Variants in CWC27 observed in about 807,000 individuals in gnomAD.
CWC27 encodes the protein CWC27 spliceosome associated cyclophilin.
CWC27 carries 47 observed loss-of-function variants against 63.6 expected under a neutral mutation model. That is an observed-to-expected ratio of 0.74 (90% CI 0.58 to 0.94). CWC27 has a LOEUF of 0.94. Among genes scored for constraint, CWC27 ranks in the 40% least tolerant of loss-of-function variants. The pLI is 0.00. For missense variants in CWC27, 495 were observed against 554.3 expected (o/e 0.89, Z 1.07); for synonymous variants, 175 against 179.8 (o/e 0.97, Z 0.22).
chr5:64,834,455 G>C (rs572808643), intron 10 of CWC27, among the ~76,000 whole-genome samples: 1 of 151,608 alleles, frequency 6.6e-6, no homozygotes, highest in Admixed American at 6.6e-5. Context: ...CTCATATTTT[G>C]TTTTAACCTC....
At chr5:64,882,866 G>C (rs1308111240) in intron 10 of CWC27, among the ~76,000 whole-genome samples, 1 of 152,190 alleles carries the variant, frequency 6.6e-6, no homozygotes, top group Non-Finnish European at 1.5e-5. Flanking sequence ...AAAGTGCTGG[G>C]ATTACAGGCG....
intron 13 of CWC27, among the ~76,000 whole-genome samples, chr5:64,992,595 T>C (rs62370968): frequency 6.6e-6 from 1 of 151,832 alleles, no homozygotes; most frequent in Admixed American, 6.6e-5. Flanking sequence ...GCAGTGGCGC[T>C]ATCTCGGTTC....
intron 10 of CWC27, among the ~76,000 whole-genome samples, chr5:64,818,399 C>G (rs1745104419): frequency 6.6e-6 from 1 of 152,082 alleles, no homozygotes; most frequent in Non-Finnish European, 1.5e-5. Flanking sequence ...TAAGCGTTTA[C>G]TTTAGTTTTA....
chr5:64,863,288 T>C (rs1746454779), intron 10 of CWC27, among the ~76,000 whole-genome samples: 1 of 152,162 alleles, frequency 6.6e-6, no homozygotes, highest in South Asian at 2.1e-4. Flanking sequence ...GGTGATACTG[T>C]GATGGGCGAC....
chr5:64,951,809 T>G (rs189764151), intron 11 of CWC27, among the ~76,000 whole-genome samples: 3 of 152,134 alleles, frequency 2.0e-5, no homozygotes, highest in Admixed American at 2.0e-4. Context: ...TGTTGTAGAA[T>G]GTATCAAATA....
At chr5:64,925,323 C>T (rs1748084499) in intron 11 of CWC27, among the ~76,000 whole-genome samples, 1 of 152,200 alleles carries the variant, frequency 6.6e-6, no homozygotes, top group East Asian at 1.9e-4. Flanking sequence ...TGCTTTTACA[C>T]ATCTTCACCC....
intron 10 of CWC27, among the ~76,000 whole-genome samples, chr5:64,832,281 G>A (rs1022687744): frequency 6.6e-6 from 1 of 151,740 alleles, no homozygotes; most frequent in Non-Finnish European, 1.5e-5. Context: ...AATCACATTT[G>A]TTAATGTCAT....
At chr5:64,983,419 G>A (rs1286551300) in intron 13 of CWC27, among the ~76,000 whole-genome samples, 1 of 152,156 alleles carries the variant, frequency 6.6e-6, no homozygotes, top group Non-Finnish European at 1.5e-5. Flanking sequence ...ACAAACAAGT[G>A]TCTTAGTATT....
intron 13 of CWC27, among the ~76,000 whole-genome samples, chr5:64,979,530 G>T (rs186547682): frequency 3.3e-4 from 50 of 152,300 alleles, no homozygotes; most frequent in African/African-American, 1.1e-3. Flanking sequence ...AGTCTCTGGT[G>T]ATTTAGATCC....
At chr5:64,931,015 G>A (rs1467262214) in intron 11 of CWC27, among the ~76,000 whole-genome samples, 2 of 151,974 alleles carry the variant, frequency 1.3e-5, no homozygotes, top group Admixed American at 6.6e-5. Context: ...AAACTAAATG[G>A]CAATACATGC....
At chr5:64,870,633 T>C (rs1227167333) in intron 10 of CWC27, among the ~76,000 whole-genome samples, 1 of 152,122 alleles carries the variant, frequency 6.6e-6, no homozygotes, top group Non-Finnish European at 1.5e-5. Context: ...CCAAATTTGT[T>C]CAAGGAAAAT....
At chr5:64,819,582 G>A (rs568149929) in intron 10 of CWC27, among the ~76,000 whole-genome samples, 1 of 151,896 alleles carries the variant, frequency 6.6e-6, no homozygotes, top group South Asian at 2.1e-4. Context: ...TGTACACGCT[G>A]TCTTTGCCTG....
chr5:64,886,748 T>C (rs1286463529), intron 11 of CWC27, among the ~76,000 whole-genome samples: 1 of 152,134 alleles, frequency 6.6e-6, no homozygotes, highest in African/African-American at 2.4e-5. Context: ...TTGAAAGTCA[T>C]TGAAGTATAT....
At chr5:64,961,422 C>T (rs1179676747) in intron 11 of CWC27, among the ~76,000 whole-genome samples, 5 of 151,892 alleles carry the variant, frequency 3.3e-5, no homozygotes, top group Non-Finnish European at 5.9e-5. Context: ...ATATATATCT[C>T]CTATTTTTAT....
At chr5:65,009,219 A>G (rs1470435534) in intron 13 of CWC27, among the ~76,000 whole-genome samples, 1 of 152,136 alleles carries the variant, frequency 6.6e-6, no homozygotes, top group Non-Finnish European at 1.5e-5. Context: ...AAACTGTCAT[A>G]GCAACTAATA....
At chr5:65,011,364 A>G (rs1244681626) in intron 13 of CWC27, among the ~76,000 whole-genome samples, 1 of 152,248 alleles carries the variant, frequency 6.6e-6, no homozygotes, top group Non-Finnish European at 1.5e-5. Context: ...GAGGGTCTTA[A>G]CCCTGGGGGA....
At chr5:64,933,160 C>T (rs1450701084) in intron 11 of CWC27, among the ~76,000 whole-genome samples, 1 of 152,122 alleles carries the variant, frequency 6.6e-6, no homozygotes, top group Admixed American at 6.5e-5. Context: ...GGTGCTGATA[C>T]TGCAGATCCA....
chr5:64,970,609 G>A (rs1425210503), intron 11 of CWC27, among the ~76,000 whole-genome samples: 1 of 152,158 alleles, frequency 6.6e-6, no homozygotes, highest in Non-Finnish European at 1.5e-5. Flanking sequence ...GTGTGCCTTA[G>A]ATATTATTTC....
intron 10 of CWC27, among the ~76,000 whole-genome samples, chr5:64,880,529 C>A (rs551105122): frequency 3.9e-5 from 6 of 151,916 alleles, no homozygotes; most frequent in Admixed American, 2.6e-4. Flanking sequence ...ATTTTGATTT[C>A]TGTGCCAGTA....
Sources: allele counts gnomAD v4.1 joint callset (sites outside exome capture counted in the v4.1 genomes callset), GRCh38; gene constraint gnomAD v4.1.1; transcripts MANE v1.5; gene names NCBI Gene and HGNC (gene_info 2026-07-23, HGNC 2026-07-21).